CSMD1: variants seen among roughly 807,000 people sequenced by gnomAD.
CSMD1 encodes CUB and sushi domain-containing protein 1.
CSMD1 carries 213 observed loss-of-function variants against 417.5 expected under a neutral mutation model. The ratio of observed to expected loss-of-function variants is 0.51; its 90% CI spans 0.46 to 0.57. The LOEUF (loss-of-function observed/expected upper bound fraction) is 0.57. Among genes scored for constraint, CSMD1 ranks in the 20% least tolerant of loss-of-function variants. CSMD1 has a pLI of 0.00. For missense variants in CSMD1, 6,923 were observed against 4,529.7 expected (o/e 1.53, Z -15.17); for synonymous variants, 2,862 against 1,736.8 (o/e 1.65, Z -16.11).
At chr8:4,180,991 C>G (rs879479097) in intron 3 of CSMD1, among the ~76,000 whole-genome samples, 1 of 152,010 alleles carries the variant, frequency 6.6e-6, no homozygotes, top group Admixed American at 6.6e-5. Context: ...CATTTCCGTA[C>G]CCACTATTAT....
chr8:3,276,475 A>T (rs934101246), intron 26 of CSMD1, among the ~76,000 whole-genome samples: 2 of 152,058 alleles, frequency 1.3e-5, no homozygotes, highest in African/African-American at 4.8e-5. Flanking sequence ...TGTGCAGGGA[A>T]ACTCCCATTT....
At chr8:4,255,058 C>A (rs1245925223) in intron 3 of CSMD1, among the ~76,000 whole-genome samples, 1 of 152,186 alleles carries the variant, frequency 6.6e-6, no homozygotes, top group African/African-American at 2.4e-5. Flanking sequence ...AAGCAATTCT[C>A]AGCCTTTTTT....
chr8:4,262,253 G>A (rs1034611529), intron 3 of CSMD1, among the ~76,000 whole-genome samples: 6 of 152,108 alleles, frequency 3.9e-5, no homozygotes, highest in African/African-American at 1.4e-4. Context: ...CCGGGGCATG[G>A]TGGAGGATGC....
chr8:4,965,657 T>A (rs1348530723), intron 1 of CSMD1, among the ~76,000 whole-genome samples: 1 of 152,224 alleles, frequency 6.6e-6, no homozygotes, highest in African/African-American at 2.4e-5. Flanking sequence ...GGAATGAAAG[T>A]ACATGCTCTT....
chr8:3,394,242 T>C (rs952830865), intron 17 of CSMD1, among the ~76,000 whole-genome samples: 8 of 146,948 alleles, frequency 5.4e-5, no homozygotes, highest in Non-Finnish European at 1.2e-4. Flanking sequence ...ATTAAATTAT[T>C]ATATTATAGT....
intron 54 of CSMD1, among the ~76,000 whole-genome samples, chr8:2,996,309 A>G (rs1806891344): frequency 6.6e-6 from 1 of 152,230 alleles, no homozygotes; most frequent in Non-Finnish European, 1.5e-5. Context: ...ATGTTAACAT[A>G]TTTGAGCTGA....
intron 10 of CSMD1, among the ~76,000 whole-genome samples, chr8:3,543,960 C>T (rs764150404): frequency 2.0e-5 from 3 of 152,116 alleles, no homozygotes; most frequent in Non-Finnish European, 4.4e-5. Context: ...AGCAAAGCAA[C>T]TGAGAAAGCA....
chr8:4,367,467 C>G (rs1439291829), intron 3 of CSMD1, among the ~76,000 whole-genome samples: 1 of 152,114 alleles, frequency 6.6e-6, no homozygotes, highest in Non-Finnish European at 1.5e-5. Context: ...TGTAGTCCTG[C>G]AGTACAGTTT....
At chr8:4,214,419 T>G (rs771322574) in intron 3 of CSMD1, among the ~76,000 whole-genome samples, 13 of 152,204 alleles carry the variant, frequency 8.5e-5, no homozygotes, top group Non-Finnish European at 1.9e-4. Context: ...TGCCTCAGGC[T>G]TCTAAGTAGC....
chr8:3,881,559 G>A (rs1163914937), intron 5 of CSMD1, among the ~76,000 whole-genome samples: 1 of 148,336 alleles, frequency 6.7e-6, no homozygotes, highest in Admixed American at 6.7e-5. Context: ...GAGCCAAGAT[G>A]GAGCCATTGC....
intron 5 of CSMD1, among the ~76,000 whole-genome samples, chr8:3,903,366 A>T (rs1265466464): frequency 6.6e-6 from 1 of 152,208 alleles, no homozygotes; most frequent in African/African-American, 2.4e-5. Flanking sequence ...AGGGTTCAAC[A>T]AAACAATTGC....
At chr8:4,683,634 G>T (rs1186643157) in intron 1 of CSMD1, among the ~76,000 whole-genome samples, 1 of 152,180 alleles carries the variant, frequency 6.6e-6, no homozygotes, top group Non-Finnish European at 1.5e-5. Flanking sequence ...GAGGAACCTC[G>T]CAGAGAAGGC....
At chr8:4,929,154 CAGAG>C (rs967567968) in intron 1 of CSMD1, among the ~76,000 whole-genome samples, 21 of 152,218 alleles carry the variant, frequency 1.4e-4, no homozygotes, top group African/African-American at 4.8e-4. Flanking sequence ...TGTGGACACA[CAGAG>C]AAAGACATCA....
intron 33 of CSMD1, among the ~76,000 whole-genome samples, chr8:3,197,507 C>T (rs1225665444): frequency 2.0e-5 from 3 of 146,968 alleles, no homozygotes; most frequent in Admixed American, 6.9e-5. Flanking sequence ...GCTCTGTCAC[C>T]CAGGCTGGAG....
intron 3 of CSMD1, among the ~76,000 whole-genome samples, chr8:4,325,738 G>A (rs1289946521): frequency 6.6e-6 from 1 of 152,062 alleles, no homozygotes; most frequent in Admixed American, 6.6e-5. Context: ...CACTGAGAAG[G>A]CGTGAATGTT....
chr8:3,090,023 C>G (rs1814824007), intron 48 of CSMD1, among the ~76,000 whole-genome samples: 1 of 152,148 alleles, frequency 6.6e-6, no homozygotes, highest in Non-Finnish European at 1.5e-5. Context: ...CTTTAAGAGT[C>G]TGACTATCGG....
chr8:3,989,971 G>T (rs543653071), intron 5 of CSMD1, among the ~76,000 whole-genome samples: 1 of 152,328 alleles, frequency 6.6e-6, no homozygotes, highest in South Asian at 2.1e-4. Context: ...TCTAAATGAA[G>T]ATATCAAAAT....
At chr8:4,405,685 C>A (rs1289505348) in intron 3 of CSMD1, among the ~76,000 whole-genome samples, 4 of 152,166 alleles carry the variant, frequency 2.6e-5, no homozygotes, top group Admixed American at 1.3e-4. Flanking sequence ...TCGCTAAGCT[C>A]CATAAAACAG....
intron 3 of CSMD1, among the ~76,000 whole-genome samples, chr8:4,377,838 C>T (rs191204658): frequency 6.6e-6 from 1 of 152,086 alleles, no homozygotes; most frequent in Non-Finnish European, 1.5e-5. Flanking sequence ...ATTTTTGCCC[C>T]AATTAGTATA....
Sources: gnomAD v4.1 joint callset for allele counts (sites outside exome capture counted in the v4.1 genomes callset) on GRCh38, gnomAD v4.1.1 for gene constraint, MANE v1.5 for transcripts, NCBI Gene and HGNC (gene_info 2026-07-23, HGNC 2026-07-21) for gene names.